The following ANKRD17 variants were observed in gnomAD, a reference collection of about 807,000 sequenced individuals.
The protein encoded by ANKRD17 is ankyrin repeat domain 17.
In ANKRD17, 19 loss-of-function variants were observed where a neutral mutation model predicts 229.7. The ratio of observed to expected loss-of-function variants is 0.08; its 90% confidence interval spans 0.06 to 0.12. The LOEUF (loss-of-function observed/expected upper bound fraction) is 0.12, where lower values mean the gene tolerates loss of function less well. Ranked by LOEUF, ANKRD17 falls within the 10% of genes least tolerant of loss-of-function variation. The pLI, the probability that ANKRD17 is intolerant of heterozygous loss-of-function variation, is 1.00. For missense variants in ANKRD17, 2,176 were observed against 3,176.8 expected, an observed-to-expected ratio of 0.68 and a Z score of 7.57; for synonymous variants, 1,112 against 1,146.1, an observed-to-expected ratio of 0.97 and a Z score of 0.60.
intron 25 of ANKRD17, among the ~76,000 whole-genome samples, chr4:73,100,069 T>C (rs1469648482): frequency 6.6e-6 from 1 of 152,160 alleles, no homozygotes; most frequent in Non-Finnish European, 1.5e-5. Context: ...AGGTTCTGGT[T>C]CCATTTTTCC....
intron 28 of ANKRD17, among the ~76,000 whole-genome samples, chr4:73,093,769 C>T (rs929556239): frequency 3.9e-5 from 6 of 152,100 alleles, no homozygotes; most frequent in Non-Finnish European, 4.4e-5. Flanking sequence ...GTTAGAAATG[C>T]GCTCCCTAAA....
rs1577965773 is a variant in ANKRD17 at position 73,074,094 on chromosome 4, C to T, written c.*2137G>A. On this transcript the variant is annotated 3_prime_UTR_variant, in exon 34 of 34. Coordinates refer to ENST00000358602, the MANE Select transcript of ANKRD17 (RefSeq NM_032217.5). ...TCTAAAACCATGGTATTGTACTAAA[C>T]AAGCCTGATCCCCAAGACTAAATAC... The T allele has an allele frequency of 6.6e-6, 1 of 152,026 alleles. No homozygotes were observed. The allele number at this position is 152,026 out of a possible 1,614,324, so 9.4% of individuals were successfully genotyped here.
At chr4:73,197,523 A>G (rs1010532851) in intron 1 of ANKRD17, among the ~76,000 whole-genome samples, 1 of 152,182 alleles carries the variant, frequency 6.6e-6, no homozygotes, top group South Asian at 2.1e-4. Context: ...TTAAAAGAAG[A>G]GAATCCTGTA....
chr4:73,078,117 G>A (rs1361401462), intron 31 of ANKRD17, among the ~76,000 whole-genome samples: 5 of 152,242 alleles, frequency 3.3e-5, no homozygotes, highest in East Asian at 3.9e-4. Flanking sequence ...AGTGGCTCAC[G>A]CCTGTAATCC....
intron 1 of ANKRD17, among the ~76,000 whole-genome samples, chr4:73,180,185 G>C (rs1735360853): frequency 2.0e-5 from 3 of 152,080 alleles, no homozygotes; most frequent in African/African-American, 7.2e-5. Context: ...AGGTGCTAAA[G>C]ATGTTCAAAG....
chr4:73,086,033 A>G (rs1435506909), intron 29 of ANKRD17, among the ~76,000 whole-genome samples: 2 of 152,068 alleles, frequency 1.3e-5, no homozygotes, highest in African/African-American at 4.8e-5. Flanking sequence ...TATAAAAGAA[A>G]CAATTATCAC....
intron 16 of ANKRD17, among the ~76,000 whole-genome samples, chr4:73,134,885 TA>T (rs535808039): frequency 6.6e-6 from 1 of 151,764 alleles, no homozygotes; most frequent in Non-Finnish European, 1.5e-5. Flanking sequence ...GAACTAAAGT[TA>T]AAAAAAAGGT....
At chr4:73,232,442 C>T (rs945086970) in intron 1 of ANKRD17, among the ~76,000 whole-genome samples, 10 of 152,206 alleles carry the variant, frequency 6.6e-5, no homozygotes, top group African/African-American at 2.2e-4. Context: ...TCACAATAAA[C>T]ATTTGTTTTT....
At chr4:73,142,145 A>T in intron 13 of ANKRD17, 97 bp downstream of exon 13, 1 of 1,263,288 alleles carries the variant, frequency 7.9e-7, no homozygotes, top group Non-Finnish European at 1.1e-6. Flanking sequence ...ACTACATATT[A>T]GAACAAAAAA....
chr4:73,158,547 C>T (rs1015170321), intron 3 of ANKRD17, among the ~76,000 whole-genome samples: 6 of 144,268 alleles, frequency 4.2e-5, no homozygotes, highest in African/African-American at 1.5e-4. Context: ...GTGAGGACTT[C>T]TCTGACCACG....
intron 1 of ANKRD17, among the ~76,000 whole-genome samples, chr4:73,256,828 C>A (rs993174393): frequency 1.3e-5 from 2 of 152,198 alleles, no homozygotes; most frequent in African/African-American, 4.8e-5. Flanking sequence ...TTCTCAGAAT[C>A]CAACAGGCTA....
intron 1 of ANKRD17, among the ~76,000 whole-genome samples, chr4:73,191,735 G>A (rs1174571300): frequency 2.0e-5 from 3 of 151,916 alleles, no homozygotes; most frequent in South Asian, 4.2e-4. Flanking sequence ...GGATAAATAC[G>A]AATGCCCAGT....
At chr4:73,211,705 G>C (rs1172627212) in intron 1 of ANKRD17, among the ~76,000 whole-genome samples, 2 of 152,014 alleles carry the variant, frequency 1.3e-5, no homozygotes, top group Admixed American at 1.3e-4. Context: ...AAATTAGCTG[G>C]GCGTGGTGGC....
intron 16 of ANKRD17, among the ~76,000 whole-genome samples, chr4:73,129,919 C>A (rs543428977): frequency 1.3e-5 from 2 of 151,702 alleles, no homozygotes; most frequent in Non-Finnish European, 2.9e-5. Flanking sequence ...CCTGCCACCA[C>A]GCCTGGCTAA....
intron 1 of ANKRD17, among the ~76,000 whole-genome samples, chr4:73,212,396 C>T (rs898189428): frequency 6.6e-6 from 1 of 152,074 alleles, no homozygotes; most frequent in African/African-American, 2.4e-5. Flanking sequence ...TATATTCTTC[C>T]ATAATTCATA....
chr4:73,226,524 G>A (rs1742529878), intron 1 of ANKRD17, among the ~76,000 whole-genome samples: 1 of 151,120 alleles, frequency 6.6e-6, no homozygotes, highest in African/African-American at 2.4e-5. Flanking sequence ...CACCAGAGCG[G>A]CTGGGATTAC....
At chr4:73,184,994 C>A (rs1386021915) in intron 1 of ANKRD17, among the ~76,000 whole-genome samples, 1 of 151,910 alleles carries the variant, frequency 6.6e-6, no homozygotes, top group Non-Finnish European at 1.5e-5. Flanking sequence ...AGCTGTGACA[C>A]CAGAGACAAA....
chr4:73,212,145 A>T (rs182316958), intron 1 of ANKRD17, among the ~76,000 whole-genome samples: 1 of 152,266 alleles, frequency 6.6e-6, no homozygotes, highest in African/African-American at 2.4e-5. Flanking sequence ...GCAGAGGGAA[A>T]GAGGGTGGCG....
intron 1 of ANKRD17, among the ~76,000 whole-genome samples, chr4:73,236,105 G>T (rs1347785618): frequency 2.6e-5 from 4 of 152,098 alleles, no homozygotes; most frequent in Non-Finnish European, 4.4e-5. Flanking sequence ...GATTACTGGG[G>T]ACAGAGTAGG....
Sources: allele counts gnomAD v4.1 joint callset (sites outside exome capture counted in the v4.1 genomes callset), GRCh38; gene constraint gnomAD v4.1.1; transcripts MANE v1.5; gene names NCBI Gene and HGNC (gene_info 2026-07-23, HGNC 2026-07-21).